The following COQ8A variants were observed in gnomAD, a reference collection of about 807,000 sequenced individuals.
The protein encoded by COQ8A is coenzyme Q8A.
A neutral mutation model predicts 65.0 loss-of-function variants in COQ8A; 51 were observed. The ratio of observed to expected loss-of-function variants is 0.78; its 90% CI spans 0.63 to 0.99. The LOEUF is 0.99. Among genes scored for constraint, COQ8A ranks in the 50% least tolerant of loss-of-function variants. The probability of loss-of-function intolerance (pLI) is 0.00; values close to 1 mark genes in which losing one functional copy is unlikely to be tolerated. For synonymous variants in COQ8A, 371 were observed against 353.2 expected, an observed-to-expected ratio of 1.05 and a Z score of -0.57; for missense variants, 940 against 875.0, an observed-to-expected ratio of 1.07 and a Z score of -0.94.
chr1:226,947,475 T>G (rs183098222), intron 1 of COQ8A, among the ~76,000 whole-genome samples: 1 of 152,328 alleles, frequency 6.6e-6, no homozygotes, highest in Admixed American at 6.5e-5. Context: ...TTCATTGAGA[T>G]ATTAAACCTG....
intron 1 of COQ8A, among the ~76,000 whole-genome samples, chr1:226,945,671 A>T (rs1237909831): frequency 6.6e-6 from 1 of 152,162 alleles, no homozygotes; most frequent in Non-Finnish European, 1.5e-5. Context: ...TGCCTGTTGT[A>T]GCTGCTGTTT....
intron 14 of COQ8A, among the ~76,000 whole-genome samples, chr1:226,986,149 C>G (rs1333252633): frequency 6.6e-6 from 1 of 152,174 alleles, no homozygotes; most frequent in African/African-American, 2.4e-5. Flanking sequence ...GGCCCACGGA[C>G]TCTGTTCTTT....
At chr1:226,941,593 C>T (rs1227665504) in intron 1 of COQ8A, among the ~76,000 whole-genome samples, 1 of 151,652 alleles carries the variant, frequency 6.6e-6, no homozygotes, top group Non-Finnish European at 1.5e-5. Flanking sequence ...ATGGTGAAAC[C>T]CCGTCTCTAC....
intron 4 of COQ8A, among the ~76,000 whole-genome samples, chr1:226,969,509 T>C (rs985122816): frequency 1.5e-4 from 23 of 152,332 alleles, no homozygotes; most frequent in East Asian, 7.7e-4. Flanking sequence ...GTGCTAGGAT[T>C]ACAGGCGTGA....
intron 1 of COQ8A, among the ~76,000 whole-genome samples, chr1:226,948,720 C>G (rs1305745354): frequency 6.6e-6 from 1 of 152,032 alleles, no homozygotes; most frequent in East Asian, 1.9e-4. Context: ...TCAGAGTTGT[C>G]TGAGACAAGA....
chr1:226,982,885 G>C lies in COQ8A; in HGVS notation c.940-9G>C. 6.2e-7 allele frequency: 1 copy of C among 1,612,718 alleles called. No homozygotes were observed. ...ATGCTCAGAGCCCCTCCCTGGCCCT[G>C]CCCTTCAGAAAACTCTCAACAACGA... is the stretch of plus-strand genomic sequence containing the variant. On this transcript the variant is annotated splice_polypyrimidine_tract_variant and intron_variant, in intron 7 of 14. Coordinates refer to ENST00000366777, the MANE Select transcript of COQ8A (RefSeq NM_020247.5).
chr1:226,973,543 C>G (rs1296697724), intron 4 of COQ8A, among the ~76,000 whole-genome samples: 1 of 152,208 alleles, frequency 6.6e-6, no homozygotes, highest in Non-Finnish European at 1.5e-5. Flanking sequence ...CCCACCAGTC[C>G]AGTTCTGGGA....
At chr1:226,979,635 T>G (rs1161171768) in intron 5 of COQ8A, among the ~76,000 whole-genome samples, 1 of 152,078 alleles carries the variant, frequency 6.6e-6, no homozygotes, top group Non-Finnish European at 1.5e-5. Flanking sequence ...AGCCCTGTCT[T>G]CCAGCCTGGG....
chr1:226,954,149 A>C (rs1410774174), intron 1 of COQ8A, among the ~76,000 whole-genome samples: 3 of 152,240 alleles, frequency 2.0e-5, no homozygotes. Flanking sequence ...TTGAATTGAC[A>C]GTCTTGAGAG....
chr1:226,978,025 CCA>C (rs1415211356), intron 5 of COQ8A, among the ~76,000 whole-genome samples: 1 of 147,824 alleles, frequency 6.8e-6, no homozygotes, highest in African/African-American at 2.5e-5. Flanking sequence ...CACCGAACAC[CCA>C]CAGACCTTAC....
chr1:226,975,125 G>C (rs545969517), intron 4 of COQ8A: 17 of 152,374 alleles, frequency 1.1e-4, no homozygotes, highest in Admixed American at 1.0e-3. Context: ...CGTTTATTTC[G>C]CTAAGTCAGA....
At chr1:226,941,063 A>G (rs1656659204) in intron 1 of COQ8A, among the ~76,000 whole-genome samples, 1 of 151,980 alleles carries the variant, frequency 6.6e-6, no homozygotes, top group Admixed American at 6.6e-5. Flanking sequence ...GCTCATTCTC[A>G]CCCATTGCAC....
chr1:226,984,232 CG>C lies in COQ8A; in HGVS notation c.1396del (p.Glu466ArgfsTer11), dbSNP rs1553280621. 6.2e-7 allele frequency: 1 copy of C among 1,613,558 alleles called. No homozygotes were observed. The highest frequency in any genetic ancestry group is 1.7e-4 in the Middle Eastern group (1 of 6,036). Reference protein sequence around the residue: ...AEGLSQEIRNEICYNILVLCL... With the variant: ...AEGLSQEIRNXICYNILVLCL... ...AAGGGCTCAGCCAGGAGATTCGGAA[CG>C]AGGTTTGTCTGTGCCAGCAGACAGG... On this transcript the variant is annotated frameshift_variant and splice_region_variant, in exon 11 of 15. Transcript: ENST00000366777. LOFTEE classifies it high-confidence loss of function.
chr1:226,962,576 TCTC>T (rs1658316610), intron 2 of COQ8A, among the ~76,000 whole-genome samples: 1 of 152,202 alleles, frequency 6.6e-6, no homozygotes, highest in African/African-American at 2.4e-5. Context: ...TCGCAGCTTC[TCTC>T]CTTCCACGTC....
At chr1:226,957,678 C>T (rs138672243) in intron 1 of COQ8A, among the ~76,000 whole-genome samples, 4,291 of 152,120 alleles carry the variant, frequency 0.028, 85 homozygotes, top group Non-Finnish European at 0.041. Flanking sequence ...TCTCATCTGC[C>T]GTCTGTCAGG....
At chr1:226,969,293 A>T (rs114897656) in intron 4 of COQ8A, among the ~76,000 whole-genome samples, 3,038 of 152,238 alleles carry the variant, frequency 0.02, 45 homozygotes, top group Non-Finnish European at 0.031. Flanking sequence ...TTGCCTACAG[A>T]TTCAGAATTC....
At position 226,957,679 on chromosome 1, in the gene COQ8A, G is replaced by A. The variant is rs1010377544; in HGVS notation, c.-9-3698G>A. ...ACAGTGTGTGATAATCTCATCTGCC[G>A]TCTGTCAGGATTGACTGTTGAATTC... is the stretch of plus-strand genomic sequence containing the variant. On this transcript the variant is annotated intron_variant, in intron 1 of 14. Coordinates refer to ENST00000366777, the MANE Select transcript of COQ8A (RefSeq NM_020247.5). Among the ~76,000 whole-genome samples, 6 of 152,124 alleles carry A rather than the reference G, an allele frequency of 3.9e-5. No individual in the cohort carries two copies. In the South Asian group the frequency reaches 8.3e-4, roughly 21 times the overall value.
At chr1:226,964,887 A>G in intron 2 of COQ8A, 113 bp from the exon 3 acceptor site, 1 of 1,240,152 alleles carries the variant, frequency 8.1e-7, no homozygotes, top group Middle Eastern at 2.3e-4. Flanking sequence ...CCACCTCTGG[A>G]GGTGGGAGGG....
At chr1:226,952,171 C>T (rs1420962152) in intron 1 of COQ8A, among the ~76,000 whole-genome samples, 1 of 152,170 alleles carries the variant, frequency 6.6e-6, no homozygotes, top group Admixed American at 6.5e-5. Context: ...AGTTGAGCCT[C>T]TCTCTCCAAA....
Sources: allele counts gnomAD v4.1 joint callset (sites outside exome capture counted in the v4.1 genomes callset), GRCh38; gene constraint gnomAD v4.1.1; transcripts MANE v1.5; gene names NCBI Gene and HGNC (gene_info 2026-07-23, HGNC 2026-07-21).